TANGO2: variants seen among roughly 807,000 people sequenced by gnomAD.
The protein encoded by TANGO2 is transport and Golgi organization protein 2 homolog.
Under a neutral mutation model 39.1 loss-of-function variants are expected in TANGO2, and 26 were observed. That is an observed-to-expected ratio of 0.67 (90% CI 0.49 to 0.92). The LOEUF is 0.92. TANGO2 is among the 40% of genes least tolerant of loss of function. The pLI, the probability that TANGO2 is intolerant of heterozygous loss-of-function variation, is 0.00. For synonymous variants in TANGO2, 131 were observed against 144.5 expected, an observed-to-expected ratio of 0.91 and a Z score of 0.67; for missense variants, 326 against 360.1, an observed-to-expected ratio of 0.91 and a Z score of 0.77.
chr22:20,055,970 C>G lies in TANGO2; in HGVS notation c.408C>G (p.Tyr136Ter). 1 of 1,614,134 alleles carries G rather than the reference C, an allele frequency of 6.2e-7. No individual in the cohort carries two copies. The highest frequency in any genetic ancestry group is 8.5e-7 in the Non-Finnish European group (1 of 1,179,942). Reference sequence around the variant, plus strand: ...CAGCAAAGGGAGACGTCATTTGCTACTATGGGAACCGAGGGGAGCCTGATC... The same window carrying G: ...CAGCAAAGGGAGACGTCATTTGCTAGTATGGGAACCGAGGGGAGCCTGATC... Reference protein sequence around the residue: ...LSTAKGDVICYYGNRGEPDPI... With the variant: ...LSTAKGDVIC Residue 136 changes from tyrosine to a stop codon, truncating the protein, a stop_gained, in exon 6 of 9, where the codon TAC becomes TAG. Transcript: ENST00000327374. LOFTEE classifies it high-confidence loss of function.
At chr22:20,061,445 C>A (rs1322220968) in intron 6 of TANGO2, 85 bp from the exon 7 acceptor site, 2 of 1,454,264 alleles carry the variant, frequency 1.4e-6, no homozygotes, top group African/African-American at 2.8e-5. Context: ...CCAGCTGTAC[C>A]CCGTGTTAGG....
At chr22:20,017,636 C>T (rs1355828953), upstream of TANGO2, among the ~76,000 whole-genome samples, 1 of 152,192 alleles carries the variant, frequency 6.6e-6, no homozygotes, top group African/African-American at 2.4e-5. Flanking sequence ...CGTTTATGCC[C>T]GCACCCCGTA....
At chr22:20,044,441 G>T (rs455049) in intron 3 of TANGO2, among the ~76,000 whole-genome samples, 9,228 of 152,294 alleles carry the variant, frequency 0.061, 331 homozygotes, top group South Asian at 0.1. Context: ...CTAGAGAATT[G>T]CCTGAGCCCG....
rs748735633 is a variant in TANGO2, at chr22:20,036,886, T to C, written c.56+32T>C. 17 of 1,614,122 alleles carry C rather than the reference T, an allele frequency of 1.1e-5. No individual in the cohort carries two copies. In the African/African-American group the frequency reaches 1.5e-4, roughly 14 times the overall value. On this transcript the variant is annotated intron_variant, in intron 2 of 8. Coordinates refer to ENST00000327374, the MANE Select transcript of TANGO2 (RefSeq NM_152906.7). The stretch of plus-strand genomic sequence containing the variant: ...CCCTCGCTCTGCATCTGCTGCGCCC[T>C]GCAGGGTCCTGGGTGCCCAGCCAGT...
At chr22:20,060,880 G>C (rs2048266292) in intron 6 of TANGO2, among the ~76,000 whole-genome samples, 1 of 152,162 alleles carries the variant, frequency 6.6e-6, no homozygotes, top group African/African-American at 2.4e-5. Flanking sequence ...GAGGTGAGGT[G>C]CTTCTCCACC....
intron 1 of TANGO2, among the ~76,000 whole-genome samples, chr22:20,030,159 T>A (rs2041567636): frequency 6.6e-6 from 1 of 150,944 alleles, no homozygotes; most frequent in African/African-American, 2.4e-5. Flanking sequence ...GCTTTTTTTT[T>A]TTTTTTTTTT....
intron 7 of TANGO2, chr22:20,062,988 G>A (rs2147830821): frequency 4.2e-6 from 1 of 239,310 alleles, no homozygotes; most frequent in Non-Finnish European, 8.1e-6. Flanking sequence ...GCTGGGTGGT[G>A]CACGCCTGTA....
chr22:20,024,424 C>T (rs1196454025), intron 1 of TANGO2, among the ~76,000 whole-genome samples: 1 of 152,198 alleles, frequency 6.6e-6, no homozygotes, highest in African/African-American at 2.4e-5. Flanking sequence ...CCACCGGGAG[C>T]CCGCGTCACA....
intron 1 of TANGO2, among the ~76,000 whole-genome samples, chr22:20,026,696 C>T (rs1280804755): frequency 6.6e-6 from 1 of 152,244 alleles, no homozygotes; most frequent in African/African-American, 2.4e-5. Flanking sequence ...AGTCAGTACC[C>T]ATGTTGGTGA....
At chr22:20,030,984 G>A (rs1291694370) in intron 1 of TANGO2, among the ~76,000 whole-genome samples, 1 of 152,026 alleles carries the variant, frequency 6.6e-6, no homozygotes, top group East Asian at 1.9e-4. Context: ...TGGGTCACAA[G>A]GTCAGGAGAT....
At chr22:20,022,448 C>T (rs935521180) in intron 1 of TANGO2, among the ~76,000 whole-genome samples, 13 of 152,214 alleles carry the variant, frequency 8.5e-5, no homozygotes, top group African/African-American at 2.9e-4. Flanking sequence ...CCCTTTGACC[C>T]CTACACAGCT....
chr22:20,041,335 C>T (rs1342222771), intron 2 of TANGO2, among the ~76,000 whole-genome samples: 4 of 136,474 alleles, frequency 2.9e-5, no homozygotes, highest in African/African-American at 1.1e-4. Flanking sequence ...TTTTTTGAGA[C>T]GGAGTCTTGC....
Position 20,036,765 on chromosome 22 carries a change from G to T in TANGO2, c.-34G>T, listed in dbSNP as rs371186989. On this transcript the variant is annotated 5_prime_UTR_variant, in exon 2 of 9. Transcript: ENST00000327374. ...GTGTTTTCCTTTTCCCGCAGACCTC[G>T]CGACCTGTGTCAGCAGAGCCGCCCT... 1 of 1,613,956 alleles carries T rather than the reference G, an allele frequency of 6.2e-7. No individual in the cohort carries two copies. The highest frequency in any genetic ancestry group is 2.2e-5 in the East Asian group (1 of 44,900).
upstream of TANGO2, among the ~76,000 whole-genome samples, chr22:20,017,804 AG>A (rs1365976098): frequency 6.6e-6 from 1 of 152,164 alleles, no homozygotes; most frequent in Non-Finnish European, 1.5e-5. Context: ...CTTGTGGTGT[AG>A]GGGGGAACCA....
intron 2 of TANGO2, 117 bp downstream of exon 2, chr22:20,036,971 AG>A (rs750902966): frequency 6.2e-7 from 1 of 1,610,126 alleles, no homozygotes; most frequent in South Asian, 1.1e-5. Context: ...GGGGCTGCAC[AG>A]GCCTGGCACT....
At chr22:20,035,084 C>A (rs1446794580) in intron 1 of TANGO2, among the ~76,000 whole-genome samples, 1 of 152,228 alleles carries the variant, frequency 6.6e-6, no homozygotes, top group Admixed American at 6.5e-5. Flanking sequence ...TCCCACAGGG[C>A]CCCCTTGCAA....
In TANGO2 at chr22:20,063,349, A is replaced by G. The variant is rs757399562; in HGVS notation, c.617A>G (p.Asp206Gly). 6.2e-6 allele frequency: 10 copies of G among 1,613,254 alleles called. No homozygotes were observed. Among genetic ancestry groups the G allele is most frequent in the Non-Finnish European group, 7.6e-6 (9 of 1,179,828 alleles). ...VLNNEEAQLP[D>G]PAIEDQGGEY... ...TCTCCATCCTGCAGGCAGCTGCCAGACCCGGCCATCGAGGACCAGGGTGGG... is the reference window on the plus strand; with the variant it reads ...TCTCCATCCTGCAGGCAGCTGCCAGGCCCGGCCATCGAGGACCAGGGTGGG... The change falls in exon 8 of 9, where the codon GAC (aspartate) becomes GGC (glycine). Residue 206 changes from aspartate (D) to glycine (G), a missense_variant. Transcript: ENST00000327374.
intron 1 of TANGO2, chr22:20,033,135 G>A (rs747904760): frequency 2.8e-5 from 14 of 493,848 alleles, no homozygotes; most frequent in Admixed American, 2.1e-4. Context: ...GGCCTGGCTC[G>A]AGCAGGGGGC....
At chr22:20,022,688 C>T (rs545369502) in intron 1 of TANGO2, among the ~76,000 whole-genome samples, 3 of 152,366 alleles carry the variant, frequency 2.0e-5, no homozygotes, top group Admixed American at 6.5e-5. Context: ...ATCCTGTGCC[C>T]GGCTTCTGCG....
Sources: gnomAD v4.1 joint callset for allele counts (sites outside exome capture counted in the v4.1 genomes callset) on GRCh38, gnomAD v4.1.1 for gene constraint, MANE v1.5 for transcripts, NCBI Gene and HGNC (gene_info 2026-07-23, HGNC 2026-07-21) for gene names.